SPOCK3: variants seen among roughly 807,000 people sequenced by gnomAD.
SPOCK3 encodes the protein testican-3.
In SPOCK3, 30 loss-of-function variants were observed where a neutral mutation model predicts 56.6. The observed-to-expected ratio is 0.53, with a 90% CI of 0.40 to 0.72. The LOEUF (loss-of-function observed/expected upper bound fraction) is 0.72, where lower values mean the gene tolerates loss of function less well. Ranked by LOEUF, SPOCK3 falls within the 30% of genes least tolerant of loss-of-function variation. The pLI is 0.00. For missense variants in SPOCK3, 527 were observed against 530.0 expected, an observed-to-expected ratio of 0.99 and a Z score of 0.06; for synonymous variants, 196 against 183.3, an observed-to-expected ratio of 1.07 and a Z score of -0.56.
chr4:166,766,019 G>A (rs6855804), intron 7 of SPOCK3, among the ~76,000 whole-genome samples: 49,253 of 151,294 alleles, frequency 0.33, 8,231 homozygotes, highest in Admixed American at 0.41. Context: ...AATACTTGTG[G>A]TTTTTGCACA....
chr4:167,051,171 T>G (rs1201367997), intron 3 of SPOCK3, among the ~76,000 whole-genome samples: 1 of 152,130 alleles, frequency 6.6e-6, no homozygotes, highest in Non-Finnish European at 1.5e-5. Context: ...CCAGATTAAT[T>G]AAATCAAAAC....
intron 4 of SPOCK3, among the ~76,000 whole-genome samples, chr4:166,974,162 T>C (rs987535543): frequency 3.3e-5 from 5 of 152,156 alleles, no homozygotes; most frequent in Admixed American, 6.6e-5. Flanking sequence ...TTTAATAAAA[T>C]TTTTAAATAG....
intron 3 of SPOCK3, among the ~76,000 whole-genome samples, chr4:167,007,345 T>C (rs892381082): frequency 1.3e-5 from 2 of 152,210 alleles, no homozygotes; most frequent in Non-Finnish European, 2.9e-5. Context: ...GTTTAAGTAA[T>C]CCCTAGATTA....
chr4:167,205,327 ATATATAT>A (rs1351967155), intron 2 of SPOCK3, among the ~76,000 whole-genome samples: 4 of 48,082 alleles, frequency 8.3e-5, no homozygotes, highest in East Asian at 7.1e-4. Flanking sequence ...TATATATATA[ATATATAT>A]TATATATTAT....
chr4:166,983,151 T>C (rs748906555), intron 4 of SPOCK3, among the ~76,000 whole-genome samples: 1 of 152,170 alleles, frequency 6.6e-6, no homozygotes, highest in Non-Finnish European at 1.5e-5. Flanking sequence ...AAAACTAGAC[T>C]ATGGTGTAGT....
At chr4:167,085,551 GAGAGCCAT>G (rs1205828400) in intron 2 of SPOCK3, among the ~76,000 whole-genome samples, 3 of 152,090 alleles carry the variant, frequency 2.0e-5, no homozygotes, top group Non-Finnish European at 4.4e-5. Flanking sequence ...TTTAATGAGG[GAGAGCCAT>G]GTGGCGAAAT....
At chr4:166,954,297 T>A (rs1743116312) in intron 4 of SPOCK3, among the ~76,000 whole-genome samples, 1 of 152,154 alleles carries the variant, frequency 6.6e-6, no homozygotes, top group Admixed American at 6.6e-5. Flanking sequence ...TACAGAAGCT[T>A]ATAGTTTGAT....
intron 2 of SPOCK3, among the ~76,000 whole-genome samples, chr4:167,194,913 G>A (rs1255199193): frequency 2.0e-5 from 3 of 152,132 alleles, no homozygotes; most frequent in South Asian, 2.1e-4. Flanking sequence ...TCTCCCATTC[G>A]GTCCCTGTAA....
chr4:166,822,825 G>T (rs544854865), intron 6 of SPOCK3, among the ~76,000 whole-genome samples: 9 of 152,086 alleles, frequency 5.9e-5, no homozygotes, highest in African/African-American at 1.9e-4. Flanking sequence ...AGATGTTAAG[G>T]ATTTGAATTT....
At chr4:166,800,208 G>GAAAAAAAAAAAAAAAAAAAAA (rs1207796263) in intron 6 of SPOCK3, among the ~76,000 whole-genome samples, 119 of 112,914 alleles carry the variant, frequency 1.1e-3, no homozygotes, top group East Asian at 3.3e-3. Context: ...AAAAAAAAAT[G>GAAAAAAAAAAAAAAAAAAAAA]AAAACATGGA....
intron 2 of SPOCK3, among the ~76,000 whole-genome samples, chr4:167,123,608 C>T (rs547654221): frequency 6.6e-6 from 1 of 152,238 alleles, no homozygotes; most frequent in East Asian, 1.9e-4. Flanking sequence ...GTTCCACCCA[C>T]CTCTGCCACT....
chr4:166,942,526 G>A (rs1715902002), intron 4 of SPOCK3, among the ~76,000 whole-genome samples: 1 of 148,088 alleles, frequency 6.8e-6, no homozygotes, highest in Non-Finnish European at 1.5e-5. Context: ...AAGCAAAGGC[G>A]ACATGAACTC....
chr4:167,121,874 T>C (rs1345167272), intron 2 of SPOCK3, among the ~76,000 whole-genome samples: 8 of 152,116 alleles, frequency 5.3e-5, no homozygotes, highest in African/African-American at 1.9e-4. Context: ...ATACTATATT[T>C]AATAAAACTA....
At position 167,081,763 on chromosome 4, in the gene SPOCK3, C is replaced by T. The variant is rs747357126; in HGVS notation, c.190-19226G>A. Among the ~76,000 whole-genome samples, 21 of 151,988 alleles carry T rather than the reference C, an allele frequency of 1.4e-4. 1 individual carries two copies. The highest frequency in any genetic ancestry group is 2.8e-4 in the Non-Finnish European group (19 of 67,964). Reference sequence around the variant, plus strand: ...AAGTCAAGGGATGGCTAAGCAAAATCTACAGCTAATATGAAATTGTGAAGG... The same window carrying T: ...AAGTCAAGGGATGGCTAAGCAAAATTTACAGCTAATATGAAATTGTGAAGG... On this transcript the variant is annotated intron_variant, in intron 2 of 10. Coordinates refer to ENST00000357545, the MANE Select transcript of SPOCK3 (RefSeq NM_001040159.2).
Position 167,045,857 on chromosome 4 carries a change from G to GA in SPOCK3, c.235+16634dup, listed in dbSNP as rs765274539. 2.2e-4 allele frequency among the ~76,000 whole-genome samples: 33 copies of GA among 151,740 alleles called. No individual in the cohort carries two copies. In the East Asian group the frequency reaches 4.1e-3, roughly 19 times the overall value. On this transcript the variant is annotated intron_variant, in intron 3 of 10. Coordinates refer to ENST00000357545, the MANE Select transcript of SPOCK3 (RefSeq NM_001040159.2). ...CAATCTATTAAATAAACTAAAAGTAGAAAAAAAATCCATTTTACCCTCCCT... is the reference window on the plus strand; with the variant it reads ...CAATCTATTAAATAAACTAAAAGTAGAAAAAAAAATCCATTTTACCCTCCCT...
intron 6 of SPOCK3, among the ~76,000 whole-genome samples, chr4:166,803,701 A>T (rs961885699): frequency 1.3e-5 from 2 of 152,118 alleles, no homozygotes; most frequent in African/African-American, 2.4e-5. Flanking sequence ...ATATCTGCTG[A>T]TCTTTTCTAC....
In SPOCK3 at chr4:166,750,574, A is replaced by G. The variant is rs547293715; in HGVS notation, c.931+3934T>C. ...AAGAATGAAAAAAAAATAGAAGTTA[A>G]ATTTCCAGATGTTGTTTGTTTTGAA... On this transcript the variant is annotated intron_variant, in intron 8 of 10. Coordinates refer to ENST00000357545, the MANE Select transcript of SPOCK3 (RefSeq NM_001040159.2). Among the ~76,000 whole-genome samples the G allele has an allele frequency of 6.7e-4, 102 of 152,224 alleles. No homozygotes were observed. The South Asian group carries it at 0.02, about 30-fold the overall frequency.
At chr4:166,739,602 C>A (rs1734616523) in intron 9 of SPOCK3, among the ~76,000 whole-genome samples, 1 of 152,034 alleles carries the variant, frequency 6.6e-6, no homozygotes, top group Non-Finnish European at 1.5e-5. Flanking sequence ...TCATGATAAA[C>A]CCTTAATTAG....
At chr4:166,846,017 A>C (rs1002592810) in intron 6 of SPOCK3, among the ~76,000 whole-genome samples, 1 of 152,160 alleles carries the variant, frequency 6.6e-6, no homozygotes, top group African/African-American at 2.4e-5. Context: ...ACACAATGGT[A>C]ACTATTTGTG....
Sources: allele counts gnomAD v4.1 joint callset (sites outside exome capture counted in the v4.1 genomes callset), GRCh38; gene constraint gnomAD v4.1.1; transcripts MANE v1.5; gene names NCBI Gene and HGNC (gene_info 2026-07-23, HGNC 2026-07-21).